The following IGFL2 variants were observed in gnomAD, a reference collection of about 807,000 sequenced individuals.
IGFL2 encodes the protein IGF like family member 2, also known as insulin growth factor-like family member 2.
A neutral mutation model predicts 13.9 loss-of-function variants in IGFL2; 7 were observed. That is an observed-to-expected ratio of 0.51 (90% CI 0.29 to 0.95). The LOEUF (loss-of-function observed/expected upper bound fraction) is 0.95. IGFL2 is among the 40% of genes least tolerant of loss of function. IGFL2 has a pLI of 0.08. For missense variants in IGFL2, 138 were observed against 147.8 expected (o/e 0.93, Z 0.34); for synonymous variants, 55 against 55.8 (o/e 0.99, Z 0.07).
At chr19:46,132,917 G>A in the IGFL2 span, among the ~76,000 whole-genome samples, 1 of 152,082 alleles carries the variant, frequency 6.6e-6, no homozygotes, top group South Asian at 2.1e-4. Context: ...ATCTGTTCAC[G>A]TGACCCAAAC....
chr19:46,136,019 A>G, the IGFL2 span, among the ~76,000 whole-genome samples: 1 of 152,078 alleles, frequency 6.6e-6, no homozygotes. Flanking sequence ...GCTGCATTTA[A>G]TATTTTTTCT....
the IGFL2 span, chr19:46,137,560 C>T: frequency 3.0e-5 from 31 of 1,017,416 alleles, no homozygotes; most frequent in African/African-American, 4.3e-4. Flanking sequence ...AATCGTCATC[C>T]TCCGTCTCAC....
chr19:46,084,983 A>G, the IGFL2 span, among the ~76,000 whole-genome samples: 1 of 152,202 alleles, frequency 6.6e-6, no homozygotes, highest in African/African-American at 2.4e-5. Flanking sequence ...TCTCATCTGG[A>G]CATGAATTCC....
chr19:46,190,832 A>G, the IGFL2 span, among the ~76,000 whole-genome samples: 1 of 152,158 alleles, frequency 6.6e-6, no homozygotes, highest in Non-Finnish European at 1.5e-5. Context: ...TCTTTTTACC[A>G]TCAAAAAGAA....
At chr19:46,121,848 G>A in the IGFL2 span, among the ~76,000 whole-genome samples, 1 of 151,044 alleles carries the variant, frequency 6.6e-6, no homozygotes, top group Non-Finnish European at 1.5e-5. Context: ...TGCTTGTGCT[G>A]GAGAGAGCTA....
the IGFL2 span, chr19:46,214,580 G>A: frequency 6.6e-6 from 1 of 152,026 alleles, no homozygotes; most frequent in African/African-American, 2.4e-5. Flanking sequence ...GCGCTGCATG[G>A]TCGGACCTCA....
At chr19:46,200,894 T>G in the IGFL2 span, 1 of 152,190 alleles carries the variant, frequency 6.6e-6, no homozygotes, top group African/African-American at 2.4e-5. Context: ...ACCACAGTCA[T>G]GAAGGAAGAT....
the IGFL2 span, among the ~76,000 whole-genome samples, chr19:46,131,349 C>A: frequency 6.6e-6 from 1 of 152,318 alleles, no homozygotes; most frequent in Non-Finnish European, 1.5e-5. Flanking sequence ...CCTTATTACA[C>A]TACATTAAGC....
At chr19:46,117,734 C>T in the IGFL2 span, among the ~76,000 whole-genome samples, 1 of 152,178 alleles carries the variant, frequency 6.6e-6, no homozygotes, top group Non-Finnish European at 1.5e-5. Context: ...CCACCTTAGC[C>T]TCCCAAAGTG....
At chr19:46,135,838 C>T in the IGFL2 span, among the ~76,000 whole-genome samples, 1 of 152,214 alleles carries the variant, frequency 6.6e-6, no homozygotes, top group Non-Finnish European at 1.5e-5. Context: ...TTCTTGGCTT[C>T]CAGACTTCAC....
the IGFL2 span, chr19:46,209,315 C>T: frequency 6.6e-6 from 1 of 152,256 alleles, no homozygotes; most frequent in Non-Finnish European, 1.5e-5. Flanking sequence ...AAAGCTCTCT[C>T]CCTTCCAGGG....
chr19:46,113,616 C>A, the IGFL2 span: 1 of 266,618 alleles, frequency 3.8e-6, no homozygotes, highest in South Asian at 4.9e-5. Context: ...CCACTGATGT[C>A]TATAGAGAGC....
At chr19:46,143,116 A>C (rs1462698271), upstream of IGFL2, 1 of 152,372 alleles carries the variant, frequency 6.6e-6, no homozygotes, top group Non-Finnish European at 1.5e-5. Flanking sequence ...GCCACCCCTG[A>C]GACAGCAAGA....
At chr19:46,134,034 A>T in the IGFL2 span, among the ~76,000 whole-genome samples, 2 of 152,178 alleles carry the variant, frequency 1.3e-5, no homozygotes, top group Admixed American at 1.3e-4. Context: ...GGGGTAGGGT[A>T]TGCAGGCTGG....
At chr19:46,079,151 A>G in the IGFL2 span, among the ~76,000 whole-genome samples, 2 of 152,186 alleles carry the variant, frequency 1.3e-5, no homozygotes, top group African/African-American at 4.8e-5. Context: ...CGCGCAGGCG[A>G]TGGGTGAGGC....
At chr19:46,124,639 C>A in the IGFL2 span, 1 of 1,609,238 alleles carries the variant, frequency 6.2e-7, no homozygotes, top group Non-Finnish European at 8.5e-7. Flanking sequence ...GATGCAGCAT[C>A]GTGGCCTCAT....
At chr19:46,174,025 A>G in the IGFL2 span, 7 of 152,412 alleles carry the variant, frequency 4.6e-5, no homozygotes. Flanking sequence ...GAGAACATGC[A>G]TATGGAGTCA....
At chr19:46,156,834 T>G (rs1405327224) in intron 1 of IGFL2, among the ~76,000 whole-genome samples, 1 of 151,878 alleles carries the variant, frequency 6.6e-6, no homozygotes, top group African/African-American at 2.4e-5. Flanking sequence ...GTCTAGAAAA[T>G]CAATGAAATA....
chr19:46,120,154 G>A, the IGFL2 span: 1 of 788,508 alleles, frequency 1.3e-6, no homozygotes, highest in South Asian at 2.0e-5. Context: ...AAGCAGGAAG[G>A]CATTCTTCCC....
Sources: gnomAD v4.1 joint callset for allele counts (sites outside exome capture counted in the v4.1 genomes callset) on GRCh38, gnomAD v4.1.1 for gene constraint, MANE v1.5 for transcripts, NCBI Gene and HGNC (gene_info 2026-07-23, HGNC 2026-07-21) for gene names.